Variants in PTPRN2 observed in about 807,000 individuals in gnomAD.
The protein encoded by PTPRN2 is protein tyrosine phosphatase receptor type N2.
A neutral mutation model predicts 118.8 loss-of-function variants in PTPRN2; 74 were observed. That is an observed-to-expected ratio of 0.62 (90% confidence interval 0.52 to 0.76). The LOEUF is 0.76. PTPRN2 is among the 30% of genes least tolerant of loss of function. The pLI, the probability that PTPRN2 is intolerant of heterozygous loss-of-function variation, is 0.00. For synonymous variants in PTPRN2, 641 were observed against 608.0 expected, an observed-to-expected ratio of 1.05 and a Z score of -0.80; for missense variants, 1,481 against 1,394.4, an observed-to-expected ratio of 1.06 and a Z score of -0.99.
At chr7:158,141,381 G>A (rs974590477) in intron 6 of PTPRN2, among the ~76,000 whole-genome samples, 2 of 152,328 alleles carry the variant, frequency 1.3e-5, no homozygotes, top group South Asian at 4.1e-4. Flanking sequence ...CCACAGCGCA[G>A]GCTGTGTCTA....
chr7:157,872,778 G>A (rs1051857324), intron 12 of PTPRN2, among the ~76,000 whole-genome samples: 7 of 152,206 alleles, frequency 4.6e-5, no homozygotes, highest in Admixed American at 6.5e-5. Flanking sequence ...TCCCCTCCCC[G>A]CCCTGTCAGG....
At chr7:157,687,622 A>G (rs1797263181) in intron 12 of PTPRN2, among the ~76,000 whole-genome samples, 1 of 152,230 alleles carries the variant, frequency 6.6e-6, no homozygotes, top group Non-Finnish European at 1.5e-5. Context: ...CTTAGAAGTC[A>G]GTTTTAGAGA....
intron 3 of PTPRN2, among the ~76,000 whole-genome samples, chr7:158,262,528 C>T (rs1263119332): frequency 7.1e-6 from 1 of 140,496 alleles, no homozygotes; most frequent in Non-Finnish European, 1.5e-5. Flanking sequence ...TCACACACTG[C>T]ACACATACAC....
intron 2 of PTPRN2, among the ~76,000 whole-genome samples, chr7:158,327,267 A>G (rs1803684677): frequency 6.6e-6 from 1 of 151,686 alleles, no homozygotes; most frequent in African/African-American, 2.4e-5. Flanking sequence ...TCACATGCAC[A>G]CACGTGCTCA....
At chr7:157,818,216 G>T (rs894760823) in intron 12 of PTPRN2, among the ~76,000 whole-genome samples, 1 of 151,892 alleles carries the variant, frequency 6.6e-6, no homozygotes, top group African/African-American at 2.4e-5. Flanking sequence ...ATGTGTGTTT[G>T]CATGCATGTG....
intron 12 of PTPRN2, among the ~76,000 whole-genome samples, chr7:157,820,315 C>G (rs1016809866): frequency 6.6e-6 from 1 of 150,580 alleles, no homozygotes; most frequent in East Asian, 2.0e-4. Flanking sequence ...GACCCACACA[C>G]GTTCACACAC....
chr7:157,614,473 A>T (rs979427273), intron 15 of PTPRN2, among the ~76,000 whole-genome samples: 3 of 152,256 alleles, frequency 2.0e-5, no homozygotes, highest in Non-Finnish European at 4.4e-5. Flanking sequence ...AATTAAAAAG[A>T]CGAAAGAGAC....
At chr7:158,535,766 TA>T (rs940213995) in intron 1 of PTPRN2, among the ~76,000 whole-genome samples, 114 of 150,538 alleles carry the variant, frequency 7.6e-4, no homozygotes, top group African/African-American at 2.6e-3. Context: ...ATAAAGTGTT[TA>T]AAAAAAAAGA....
chr7:158,156,681 G>T lies in PTPRN2; in HGVS notation c.910+10250C>A, dbSNP rs140621681. Among the ~76,000 whole-genome samples the T allele has an allele frequency of 3.7e-4, 56 of 152,340 alleles. 2 individuals carry two copies. In the East Asian group the frequency reaches 0.01, roughly 27 times the overall value. ...AACGCCCTGGGGCTTCGAGCCCCCA[G>T]TTCCAGCCTGTGACGCACTCACCCG... On this transcript the variant is annotated intron_variant, in intron 6 of 22. Coordinates refer to ENST00000389418, the MANE Select transcript of PTPRN2 (RefSeq NM_002847.5).
At chr7:157,838,109 T>C (rs1021884500) in intron 12 of PTPRN2, among the ~76,000 whole-genome samples, 2 of 149,034 alleles carry the variant, frequency 1.3e-5, no homozygotes, top group African/African-American at 5.0e-5. Context: ...CCACTATGCC[T>C]ACTCCAGTTC....
intron 12 of PTPRN2, among the ~76,000 whole-genome samples, chr7:157,741,710 T>A (rs759169606): frequency 1.3e-5 from 2 of 152,172 alleles, no homozygotes; most frequent in Non-Finnish European, 2.9e-5. Context: ...AGGGGACAAC[T>A]GTTTGGCCAA....
chr7:158,318,293 G>T (rs1232948205), intron 2 of PTPRN2, among the ~76,000 whole-genome samples: 1 of 152,216 alleles, frequency 6.6e-6, no homozygotes, highest in Non-Finnish European at 1.5e-5. Context: ...GGGCAAAGAG[G>T]GAAAATAAGG....
chr7:158,545,059 C>T (rs770552738), intron 1 of PTPRN2, among the ~76,000 whole-genome samples: 8 of 152,230 alleles, frequency 5.3e-5, no homozygotes, highest in South Asian at 2.1e-4. Flanking sequence ...GCCCCACCCA[C>T]GGCGAGGAAG....
chr7:157,825,725 G>A (rs549377638), intron 12 of PTPRN2, among the ~76,000 whole-genome samples: 2 of 152,278 alleles, frequency 1.3e-5, no homozygotes, highest in South Asian at 2.1e-4. Flanking sequence ...GACCTCAGGC[G>A]CCTTCTCTGC....
Position 158,544,507 on chromosome 7 carries a change from A to G in PTPRN2, c.112+43051T>C, listed in dbSNP as rs1826170640. 6.6e-6 allele frequency among the ~76,000 whole-genome samples: 1 copy of G among 152,072 alleles called. No homozygotes were observed. Among genetic ancestry groups the G allele is most frequent in the Non-Finnish European group, 1.5e-5 (1 of 68,016 alleles). On this transcript the variant is annotated intron_variant, in intron 1 of 22. Coordinates refer to ENST00000389418, the MANE Select transcript of PTPRN2 (RefSeq NM_002847.5). The surrounding 1 kb of genome is among the most constrained non-coding windows in gnomAD (Gnocchi z 4.2). Reference sequence around the variant, plus strand: ...AAAAAAATTAGCCTGGTGTGGTGGCACATGCCTGTAATCACAGCTACTTGG... The same window carrying G: ...AAAAAAATTAGCCTGGTGTGGTGGCGCATGCCTGTAATCACAGCTACTTGG...
At chr7:158,474,886 T>C (rs1404623436) in intron 2 of PTPRN2, among the ~76,000 whole-genome samples, 1 of 152,176 alleles carries the variant, frequency 6.6e-6, no homozygotes, top group Non-Finnish European at 1.5e-5. Flanking sequence ...CCTGTGGGAC[T>C]GTGCACACTG....
chr7:158,538,806 T>C (rs1192561017), intron 1 of PTPRN2, among the ~76,000 whole-genome samples: 1 of 152,188 alleles, frequency 6.6e-6, no homozygotes, highest in South Asian at 2.1e-4. Context: ...CCAGTGATTC[T>C]CGCAGCCTCG....
At chr7:157,562,533 G>T (rs1455929458) in intron 21 of PTPRN2, among the ~76,000 whole-genome samples, 1 of 152,218 alleles carries the variant, frequency 6.6e-6, no homozygotes, top group Non-Finnish European at 1.5e-5. Flanking sequence ...ACCACATGTG[G>T]CTACTGTATG....
rs1800163110 is a variant in PTPRN2 at position 157,578,231 on chromosome 7, T to A, written c.2497-91A>T. 5 of 1,400,952 alleles carry A rather than the reference T, an allele frequency of 3.6e-6. 1 individual carries two copies. In the South Asian group the frequency reaches 7.5e-5, roughly 21 times the overall value. 86.8% of individuals were successfully genotyped at this position (1,400,952 alleles called of 1,614,324 possible). A position where few individuals can be genotyped will look rare whatever the true frequency, so the allele number is the denominator to read the frequency against. ...CTGCACTCGGAAGCACAGTCCAAAT[T>A]TATTCCATTCACAGGACATTTATTT... On this transcript the variant is annotated intron_variant, in intron 17 of 22. Transcript: ENST00000389418.
Sources: allele counts gnomAD v4.1 joint callset (sites outside exome capture counted in the v4.1 genomes callset), GRCh38; gene constraint gnomAD v4.1.1; non-coding constraint Gnocchi (gnomAD v3.1); transcripts MANE v1.5; gene names NCBI Gene and HGNC (gene_info 2026-07-23, HGNC 2026-07-21).